Variants in NOTCH1 observed in about 807,000 individuals in gnomAD.
NOTCH1 encodes the protein neurogenic locus notch homolog protein 1.
Under a neutral mutation model 254.8 loss-of-function variants are expected in NOTCH1, and 37 were observed. That is an observed-to-expected ratio of 0.15 (90% CI 0.11 to 0.19). The LOEUF is 0.19. Ranked by LOEUF, NOTCH1 falls within the 10% of genes least tolerant of loss-of-function variation. The pLI is 1.00. For synonymous variants in NOTCH1, 1,731 were observed against 1,618.1 expected, an observed-to-expected ratio of 1.07 and a Z score of -1.68; for missense variants, 2,972 against 3,708.6, an observed-to-expected ratio of 0.80 and a Z score of 5.16.
rs1271941628 is a variant in NOTCH1 at position 136,513,479 on chromosome 9, C to T, written c.2266G>A (p.Glu756Lys). 5 of 1,613,128 alleles carry T rather than the reference C, an allele frequency of 3.1e-6. No individual in the cohort carries two copies. The highest frequency in any genetic ancestry group is 4.2e-6 in the Non-Finnish European group (5 of 1,179,996). ...TTGACACAAGGGTTGGATTCACACT[C>T]ATTGTTGTTGATGTCACAGTTGGTC... ...SGTNCDINNN[E>K]CESNPCVNGG... Residue 756 changes from glutamate (E) to lysine (K), a missense_variant, in exon 14 of 34, where the codon GAG (glutamate) becomes AAG (lysine). Glu to Lys is a moderately conservative substitution (Grantham distance 56, BLOSUM62 1). Coordinates refer to ENST00000651671, the MANE Select transcript of NOTCH1 (RefSeq NM_017617.5). This position sits in a 1 kb window ranked among gnomAD's most constrained non-coding sequence, Gnocchi z 4.7.
intron 4 of NOTCH1, among the ~76,000 whole-genome samples, chr9:136,522,007 T>G (rs1201715768): frequency 2.0e-5 from 3 of 150,040 alleles, no homozygotes; most frequent in African/African-American, 7.4e-5. Context: ...AGACGGAGTC[T>G]CGCTCTGTCG....
intron 16 of NOTCH1, 36 bp downstream of exon 16, chr9:136,511,116 C>A (rs757002651): frequency 6.2e-7 from 1 of 1,612,854 alleles, no homozygotes. Flanking sequence ...TCCTGACCTC[C>A]CATCCCAGCC....
In NOTCH1 at chr9:136,515,645, T is replaced by C. The variant is rs778992111; in HGVS notation, c.1741A>G (p.Lys581Glu). 11 of 1,594,642 alleles carry C rather than the reference T, an allele frequency of 6.9e-6. No homozygotes were observed. Among genetic ancestry groups the C allele is most frequent in the Non-Finnish European group, 8.5e-6 (10 of 1,173,646 alleles). ...DPDPCHYGSC[K>E]DGVATFTCLC... ...CAGGTGAAGGTGGCGACGCCGTCCT[T>C]GCAGGAGCCGTAGTGGCAGGGGTCG... is the stretch of plus-strand genomic sequence containing the variant. Residue 581 changes from lysine to glutamate, a missense_variant, in exon 11 of 34, where the codon AAG becomes GAG. By Grantham distance (56) the Lys-to-Glu change is moderately conservative. This residue lies in a region of NOTCH1 where 128 missense variants were observed against 193.8 expected (regional missense o/e 0.66). Transcript: ENST00000651671.
rs776162701 is a variant in NOTCH1, at chr9:136,504,749, C to G, written c.4942G>C (p.Val1648Leu). Residue 1648 changes from valine to leucine, a missense_variant, in exon 26 of 34, where the codon GTG becomes CTG. By Grantham distance (32) the Val-to-Leu change is conservative. This residue lies in a region of NOTCH1 where 1,343 missense variants were observed against 1,557.0 expected (regional missense o/e 0.86). Coordinates refer to ENST00000651671, the MANE Select transcript of NOTCH1 (RefSeq NM_017617.5). The stretch of plus-strand genomic sequence containing the variant: ...CCACCAGGGAGCAGCGAGGCCTTCA[C>G]CTGGCCCAGCAGGGCGTCAGGTGCG... ...WAAPDALLGQ[V>L]KASLLPGGSE... 1 of 1,547,362 alleles carries G rather than the reference C, an allele frequency of 6.5e-7. No homozygotes were observed. The highest frequency in any genetic ancestry group is 8.7e-7 in the Non-Finnish European group (1 of 1,145,574).
At position 136,508,070 on chromosome 9, in the gene NOTCH1, CG is replaced by C; in HGVS notation, c.3394del (p.Arg1132AlafsTer47). 1 of 1,610,822 alleles carries C rather than the reference CG, an allele frequency of 6.2e-7. No homozygotes were observed. The highest frequency in any genetic ancestry group is 1.7e-5 in the Admixed American group (1 of 60,016). On this transcript the variant is annotated frameshift_variant, in exon 21 of 34. Coordinates refer to ENST00000651671, the MANE Select transcript of NOTCH1 (RefSeq NM_017617.5). LOFTEE classifies it high-confidence loss of function. ...GCTGCCTGTGTAGCCCGCCTGGCAGCGGCAGTGGTGCGTGTTGCCCGCGTCC... is the reference window on the plus strand; with the variant it reads ...GCTGCCTGTGTAGCCCGCCTGGCAGCGCAGTGGTGCGTGTTGCCCGCGTCC... Reference protein sequence around the residue: ...CVDAGNTHHCRCQAGYTGSYC... With the variant: ...CVDAGNTHHCXCQAGYTGSYC...
chr9:136,495,598 G>T lies in NOTCH1; in HGVS notation c.*473C>A. On this transcript the variant is annotated 3_prime_UTR_variant, in exon 34 of 34. Coordinates refer to ENST00000651671, the MANE Select transcript of NOTCH1 (RefSeq NM_017617.5). ...GGTGGAGCGGCCGGGCTGGCTTGGG[G>T]TTGGGTGGGCGTCGGGGAAAGGGCG... 2 of 398,076 alleles carry T rather than the reference G, an allele frequency of 5.0e-6. No homozygotes were observed. Among genetic ancestry groups the T allele is most frequent in the Non-Finnish European group, 8.8e-6 (2 of 226,128 alleles). 24.7% of individuals were successfully genotyped at this position (398,076 alleles called of 1,614,324 possible).
chr9:136,507,357 G>C lies in NOTCH1; in HGVS notation c.3591C>G (p.Thr1197=). ...TGTAGGTGTTGGGGAGGTCGAGGCA[G>C]GTGCCCCCGTTCTGGCAGGGGTGGG... is the stretch of plus-strand genomic sequence containing the variant. ...CLSHPCQNGG[T]CLDLPNTYKC... Residue 1197 remains threonine, a synonymous_variant, in exon 22 of 34, where the codon ACC becomes ACG. Transcript: ENST00000651671. 1 of 1,612,930 alleles carries C rather than the reference G, an allele frequency of 6.2e-7. No individual in the cohort carries two copies. The highest frequency in any genetic ancestry group is 1.6e-4 in the Middle Eastern group (1 of 6,062).
chr9:136,537,551 G>A (rs192410836), intron 2 of NOTCH1, among the ~76,000 whole-genome samples: 2 of 152,292 alleles, frequency 1.3e-5, no homozygotes, highest in East Asian at 1.9e-4. Flanking sequence ...ACTTGTGAAT[G>A]GACTAGATGT....
chr9:136,541,884 C>A (rs1843737419), intron 2 of NOTCH1, among the ~76,000 whole-genome samples: 1 of 152,228 alleles, frequency 6.6e-6, no homozygotes, highest in Non-Finnish European at 1.5e-5. Context: ...ACAATGGGGT[C>A]TCTGTGGGCT....
intron 10 of NOTCH1, 119 bp downstream of exon 10, chr9:136,515,862 G>T: frequency 8.8e-7 from 1 of 1,131,770 alleles, no homozygotes; most frequent in African/African-American, 1.5e-5. Flanking sequence ...GCTGAGCTGT[G>T]CTCTCGGCCT....
At position 136,496,668 on chromosome 9, in the gene NOTCH1, G is replaced by A. The variant is rs61751487; in HGVS notation, c.7071C>T (p.Ser2357=). The change falls in exon 34 of 34, where the codon AGC becomes AGT. Residue 2357 remains serine (S), a synonymous_variant. Coordinates refer to ENST00000651671, the MANE Select transcript of NOTCH1 (RefSeq NM_017617.5). The part of the protein sequence containing the change: ...VGPLHSSLAA[S]ALSQMMSYQG... ...GGTAGCTCATCATCTGGGACAGGGC[G>A]CTGGCAGCAAGGCTACTGTGCAGCG... 16 of 1,612,896 alleles carry A rather than the reference G, an allele frequency of 9.9e-6. No individual in the cohort carries two copies. Among genetic ancestry groups the A allele is most frequent in the African/African-American group, 4.0e-5 (3 of 75,066 alleles).
chr9:136,522,018 C>A (rs1486812913), intron 4 of NOTCH1, among the ~76,000 whole-genome samples: 1 of 150,916 alleles, frequency 6.6e-6, no homozygotes, highest in Admixed American at 6.6e-5. Flanking sequence ...CGCTCTGTCG[C>A]CCAGGCTGGA....
Position 136,497,358 on chromosome 9 carries a change from G to A in NOTCH1, c.6381C>T (p.Ala2127=). ...ACAGGGTGGGCGTGCCCCCCAGCGG[G>A]GCTCCGTGCAGCTGCGGGCTGCGCA... ...NLVRSPQLHG[A]PLGGTPTLSP... is the part of the protein sequence containing the mutation. The change falls in exon 34 of 34, where the codon GCC becomes GCT. Residue 2127 remains alanine (A), a synonymous_variant. Transcript: ENST00000651671. 1 of 1,607,088 alleles carries A rather than the reference G, an allele frequency of 6.2e-7. No individual in the cohort carries two copies. The highest frequency in any genetic ancestry group is 8.5e-7 in the Non-Finnish European group (1 of 1,179,234).
chr9:136,524,801 C>G (rs1843434966), intron 2 of NOTCH1, among the ~76,000 whole-genome samples: 1 of 152,056 alleles, frequency 6.6e-6, no homozygotes, highest in Admixed American at 6.5e-5. Context: ...CCATGCCCAG[C>G]TAATTTTTGT....
At chr9:136,510,845 C>G in intron 16 of NOTCH1, 40 bp from the exon 17 acceptor site, 1 of 1,602,846 alleles carries the variant, frequency 6.2e-7, no homozygotes, top group Non-Finnish European at 8.5e-7. Context: ...CCAGCGGCCC[C>G]TGGCCCTCCA....
At position 136,496,462 on chromosome 9, in the gene NOTCH1, C is replaced by T. The variant is rs1323864127; in HGVS notation, c.7277G>A (p.Ser2426Asn). ...QPHLGVSSAA[S>N]GHLGRSFLSG... Reference sequence around the variant, plus strand: ...CAGGAAGCTCCGGCCCAGGTGGCCGCTGGCTGCTGAGCTCACGCCAAGGTG... The same window carrying T: ...CAGGAAGCTCCGGCCCAGGTGGCCGTTGGCTGCTGAGCTCACGCCAAGGTG... Residue 2426 changes from serine (S) to asparagine (N), a missense_variant, in exon 34 of 34, where the codon AGC becomes AAC. Physicochemically the swap from Ser to Asn is conservative, Grantham distance 46. Transcript: ENST00000651671. 1.2e-6 allele frequency: 2 copies of T among 1,600,654 alleles called. No individual in the cohort carries two copies. The highest frequency in any genetic ancestry group is 1.3e-5 in the African/African-American group (1 of 75,046).
At chr9:136,505,135 T>C (rs2133337999) in intron 25 of NOTCH1, 31 bp from the exon 26 acceptor site, 1 of 1,593,688 alleles carries the variant, frequency 6.3e-7, no homozygotes. Flanking sequence ...TCAGGCCGCC[T>C]TCCTCGGGGG....
At chr9:136,514,792 C>T (rs533752405) in intron 12 of NOTCH1, 90 bp from the exon 13 acceptor site, 69 of 1,300,450 alleles carry the variant, frequency 5.3e-5, no homozygotes, top group African/African-American at 4.4e-4. Context: ...TGAGCCGGGG[C>T]GATCACCCTT....
At chr9:136,502,588 G>T in intron 27 of NOTCH1, 100 bp from the exon 28 acceptor site, 1 of 684,474 alleles carries the variant, frequency 1.5e-6, no homozygotes, top group Non-Finnish European at 2.3e-6. Context: ...GCGTCCGGGC[G>T]CCTCCTCACC....
Sources: gnomAD v4.1 joint callset for allele counts (sites outside exome capture counted in the v4.1 genomes callset) on GRCh38, gnomAD v4.1.1 for gene constraint, gnomAD v4.1.1 regional missense constraint, Gnocchi (gnomAD v3.1) non-coding constraint, MANE v1.5 for transcripts, NCBI Gene and HGNC (gene_info 2026-07-23, HGNC 2026-07-21) for gene names.